EVL: variants seen among roughly 807,000 people sequenced by gnomAD.
EVL encodes the protein Enah/Vasp-like.
A neutral mutation model predicts 59.6 loss-of-function variants in EVL; 21 were observed. The observed-to-expected ratio is 0.35, with a 90% CI of 0.25 to 0.51. The LOEUF (loss-of-function observed/expected upper bound fraction) is 0.51. Ranked by LOEUF, EVL falls within the 20% of genes least tolerant of loss-of-function variation. The pLI, the probability that EVL is intolerant of heterozygous loss-of-function variation, is 0.97. For synonymous variants in EVL, 198 were observed against 203.5 expected (o/e 0.97, Z 0.23); for missense variants, 462 against 546.6 (o/e 0.85, Z 1.54).
chr14:100,109,767 C>T lies in EVL; in HGVS notation c.358+12109C>T. ...TTGGCCTACTTATCACCACCCCAAA[C>T]AGAGGAACACGCCTTCTCCAGCCAC... On this transcript the variant is annotated intron_variant, in intron 3 of 13. Transcript: ENST00000392920. The surrounding 1 kb of genome is among the most constrained non-coding windows in gnomAD (Gnocchi z 4.3). The T allele has an allele frequency of 1.9e-6, 1 of 515,490 alleles. No individual in the cohort carries two copies. Among genetic ancestry groups the T allele is most frequent in the Non-Finnish European group, 4.0e-6 (1 of 249,008 alleles). The allele number at this position is 515,490 out of a possible 1,614,324, so 31.9% of individuals were successfully genotyped here.
At chr14:99,976,661 G>T (rs920217389) in intron 1 of EVL, among the ~76,000 whole-genome samples, 6 of 152,100 alleles carry the variant, frequency 3.9e-5, no homozygotes, top group Admixed American at 3.9e-4. Flanking sequence ...TAAGGCACAT[G>T]GGAGCACTTA....
At chr14:100,143,602 A>G (rs981561370) in intron 13 of EVL, 99 bp from the exon 14 acceptor site, 3 of 1,431,500 alleles carry the variant, frequency 2.1e-6, no homozygotes, top group East Asian at 2.3e-5. Flanking sequence ...GAACAGGGAC[A>G]CATACCAGGC....
At chr14:100,095,726 T>TGTC (rs963782234) in intron 2 of EVL, among the ~76,000 whole-genome samples, 44 of 152,182 alleles carry the variant, frequency 2.9e-4, no homozygotes, top group African/African-American at 1.0e-3. Flanking sequence ...CAGGTTTTGT[T>TGTC]GTTGTTGTTG....
chr14:100,022,284 T>G (rs2061139893), intron 1 of EVL, among the ~76,000 whole-genome samples: 1 of 150,944 alleles, frequency 6.6e-6, no homozygotes, highest in South Asian at 2.1e-4. Context: ...GTTTGTTTTT[T>G]TTTTTTTTTT....
In EVL at chr14:99,994,112, C is replaced by CTTTTTTTTTT. The variant is rs751533422; in HGVS notation, c.5+22072_5+22081dup. 2.5e-3 allele frequency among the ~76,000 whole-genome samples: 138 copies of CTTTTTTTTTT among 55,168 alleles called. 1 individual carries two copies. Among genetic ancestry groups the CTTTTTTTTTT allele is most frequent in the Non-Finnish European group, 2.9e-3 (89 of 30,456 alleles). The allele number at this position is 55,168 out of a possible 152,430, so 36.2% of individuals were successfully genotyped here. A position where few individuals can be genotyped will look rare whatever the true frequency, so the allele number is the denominator to read the frequency against. ...TGAGCCACTACACCCAGCCTTTTGG[C>CTTTTTTTTTT]TTTTTTTTTTTTTTTTTTTTTTTTT... is the stretch of plus-strand genomic sequence containing the variant. On this transcript the variant is annotated intron_variant, in intron 1 of 13. Transcript: ENST00000402714.
chr14:100,121,150 C>T (rs574189496), intron 3 of EVL, among the ~76,000 whole-genome samples: 5 of 152,330 alleles, frequency 3.3e-5, no homozygotes, highest in East Asian at 3.9e-4. Context: ...CCACTAGACA[C>T]GAGGGAGTCT....
intron 1 of EVL, among the ~76,000 whole-genome samples, chr14:100,030,550 T>C (rs947709508): frequency 1.1e-4 from 17 of 152,202 alleles, no homozygotes; most frequent in African/African-American, 3.9e-4. Flanking sequence ...GCTAGAGTAC[T>C]TCTAGTCTTC....
intron 8 of EVL, among the ~76,000 whole-genome samples, chr14:100,133,660 C>T (rs552092542): frequency 3.3e-5 from 5 of 152,340 alleles, no homozygotes; most frequent in East Asian, 1.9e-4. Context: ...GCCTCCCGGC[C>T]GGCTCAACAC....
At chr14:100,036,315 G>T (rs2061387890) in intron 1 of EVL, among the ~76,000 whole-genome samples, 1 of 152,176 alleles carries the variant, frequency 6.6e-6, no homozygotes. Context: ...GGGGACCGCT[G>T]CTCTATGGGA....
chr14:100,086,941 A>G (rs1406508486), intron 2 of EVL, among the ~76,000 whole-genome samples: 1 of 152,226 alleles, frequency 6.6e-6, no homozygotes, highest in African/African-American at 2.4e-5. Context: ...CTGGTCCATA[A>G]CAACTTTTAG....
intron 5 of EVL, among the ~76,000 whole-genome samples, chr14:100,128,073 C>G (rs1001607386): frequency 6.6e-6 from 1 of 152,208 alleles, no homozygotes; most frequent in African/African-American, 2.4e-5. Flanking sequence ...CTGGGACCCA[C>G]AGGACCTGCC....
chr14:100,013,183 G>T (rs1480108437), intron 1 of EVL, among the ~76,000 whole-genome samples: 2 of 151,978 alleles, frequency 1.3e-5, no homozygotes, highest in Non-Finnish European at 2.9e-5. Context: ...CATCCCCAGG[G>T]ACTCTCTTTG....
intron 1 of EVL, among the ~76,000 whole-genome samples, chr14:100,070,426 C>T (rs763206548): frequency 6.6e-6 from 1 of 152,148 alleles, no homozygotes; most frequent in African/African-American, 2.4e-5. Context: ...AGGGTAGAAT[C>T]GAGGCCCTCC....
chr14:100,038,777 T>G lies in EVL; in HGVS notation c.6-45910T>G, dbSNP rs867347274. On this transcript the variant is annotated intron_variant, in intron 1 of 13. Transcript: ENST00000402714. Reference sequence around the variant, plus strand: ...CCTGTGTGCTGTGCCCTGGGGTGTGTGTGTGTGTGTGTGTGTGTGTGTGTG... The same window carrying G: ...CCTGTGTGCTGTGCCCTGGGGTGTGGGTGTGTGTGTGTGTGTGTGTGTGTG... 6.3e-3 allele frequency among the ~76,000 whole-genome samples: 943 copies of G among 150,488 alleles called. 9 individuals are homozygous for G. The highest frequency in any genetic ancestry group is 0.022 in the African/African-American group (887 of 41,192).
At chr14:99,979,818 A>G (rs1007000475) in intron 1 of EVL, among the ~76,000 whole-genome samples, 133 of 152,312 alleles carry the variant, frequency 8.7e-4, no homozygotes, top group African/African-American at 3.1e-3. Context: ...GCAGTGAGCC[A>G]AGATCGTGCC....
At chr14:99,991,811 A>T (rs1263848328) in intron 1 of EVL, among the ~76,000 whole-genome samples, 1 of 152,132 alleles carries the variant, frequency 6.6e-6, no homozygotes, top group African/African-American at 2.4e-5. Flanking sequence ...GTGTTAATTG[A>T]CTGTTTATGT....
intron 13 of EVL, chr14:100,142,134 T>C: frequency 5.0e-6 from 1 of 200,378 alleles, no homozygotes. Context: ...TGAGCTGCTG[T>C]CATTCCACCC....
chr14:100,021,276 G>A (rs1210956091), intron 1 of EVL, among the ~76,000 whole-genome samples: 3 of 152,166 alleles, frequency 2.0e-5, no homozygotes. Flanking sequence ...TAAGGGTCAA[G>A]AGCTGGGTCT....
rs756788869 is a variant in EVL, at chr14:100,084,836, T to C, written c.161T>C (p.Val54Ala). The part of the protein sequence containing the change: ...TASNTFRVVG[V>A]KLQDQQVVIN... Reference sequence around the variant, plus strand: ...AGCAACACCTTCAGAGTCGTTGGAGTCAAGTTGCAGGATCAGCAGGTCAGT... The same window carrying C: ...AGCAACACCTTCAGAGTCGTTGGAGCCAAGTTGCAGGATCAGCAGGTCAGT... The change falls in exon 2 of 14, where the codon GTC becomes GCC. Residue 54 changes from valine to alanine, a missense_variant. By Grantham distance (64) the Val-to-Ala change is moderately conservative (BLOSUM62 0). Coordinates refer to ENST00000392920, the MANE Select transcript of EVL (RefSeq NM_016337.3). 6.2e-7 allele frequency: 1 copy of C among 1,613,976 alleles called. No individual in the cohort carries two copies. Among genetic ancestry groups the C allele is most frequent in the Non-Finnish European group, 8.5e-7 (1 of 1,179,992 alleles).
Sources: gnomAD v4.1 joint callset for allele counts (sites outside exome capture counted in the v4.1 genomes callset) on GRCh38, gnomAD v4.1.1 for gene constraint, Gnocchi (gnomAD v3.1) non-coding constraint, MANE v1.5 for transcripts, NCBI Gene and HGNC (gene_info 2026-07-23, HGNC 2026-07-21) for gene names.